The following TFCP2 variants were observed in gnomAD, a reference collection of about 807,000 sequenced individuals.
TFCP2 encodes transcription factor CP2.
Under a neutral mutation model 73.4 loss-of-function variants are expected in TFCP2, and 33 were observed. That is an observed-to-expected ratio of 0.45 (90% CI 0.34 to 0.60). The LOEUF (loss-of-function observed/expected upper bound fraction) is 0.60. Among genes scored for constraint, TFCP2 ranks in the 20% least tolerant of loss-of-function variants. TFCP2 has a pLI of 0.01. For synonymous variants in TFCP2, 193 were observed against 211.6 expected (o/e 0.91, Z 0.76); for missense variants, 352 against 604.0 (o/e 0.58, Z 4.37).
At chr12:51,103,876 AG>A in intron 9 of TFCP2, 113 bp from the exon 10 acceptor site, 1 of 887,580 alleles carries the variant, frequency 1.1e-6, no homozygotes, top group Non-Finnish European at 1.8e-6. Flanking sequence ...AGTTTGTGAA[AG>A]TTGTTTTCTC....
At chr12:51,107,585 A>G (rs1352439307) in intron 6 of TFCP2, among the ~76,000 whole-genome samples, 1 of 152,130 alleles carries the variant, frequency 6.6e-6, no homozygotes, top group Non-Finnish European at 1.5e-5. Context: ...TAGTTCACTG[A>G]AAAAAATCAA....
intron 7 of TFCP2, 45 bp from the exon 8 acceptor site, chr12:51,106,658 C>A: frequency 6.6e-7 from 1 of 1,505,120 alleles, no homozygotes; most frequent in Non-Finnish European, 9.2e-7. Context: ...CACATATGAC[C>A]CCAGGATTTG....
At chr12:51,150,125 T>C (rs1400254190) in intron 1 of TFCP2, among the ~76,000 whole-genome samples, 2 of 152,094 alleles carry the variant, frequency 1.3e-5, no homozygotes, top group Non-Finnish European at 2.9e-5. Context: ...TTTTAAAAAG[T>C]AGTGAAGTAT....
chr12:51,117,043 T>C (rs906309581), intron 3 of TFCP2, among the ~76,000 whole-genome samples: 1 of 152,226 alleles, frequency 6.6e-6, no homozygotes, highest in African/African-American at 2.4e-5. Context: ...TCTTCTGTTA[T>C]ACCACGGCCT....
intron 4 of TFCP2, among the ~76,000 whole-genome samples, chr12:51,113,495 G>C (rs1940448524): frequency 6.6e-6 from 1 of 152,134 alleles, no homozygotes; most frequent in Admixed American, 6.6e-5. Flanking sequence ...ATAGTGCCTG[G>C]TTCTCAGGCA....
chr12:51,170,981 A>G (rs1941849539), intron 1 of TFCP2, among the ~76,000 whole-genome samples: 1 of 152,060 alleles, frequency 6.6e-6, no homozygotes, highest in African/African-American at 2.4e-5. Flanking sequence ...CCCGGCCTGA[A>G]GTATTAAATT....
chr12:51,154,318 T>C lies in TFCP2; in HGVS notation c.122+17983A>G, dbSNP rs116551136. On this transcript the variant is annotated intron_variant, in intron 1 of 14. Transcript: ENST00000257915. ...GTTTTTTCCTATATATGTATATCCA[T>C]GGTAAAGTTAATTTATAAATTAGGC... 5.5e-3 allele frequency among the ~76,000 whole-genome samples: 833 copies of C among 152,316 alleles called. 7 individuals carry two copies. The highest frequency in any genetic ancestry group is 0.019 in the African/African-American group (772 of 41,566).
intron 1 of TFCP2, among the ~76,000 whole-genome samples, chr12:51,170,489 A>G (rs1026682015): frequency 2.0e-5 from 3 of 151,976 alleles, no homozygotes; most frequent in Non-Finnish European, 2.9e-5. Context: ...CTACAGGAAC[A>G]TGCCACCAGG....
At chr12:51,155,579 A>G (rs1941519444) in intron 1 of TFCP2, among the ~76,000 whole-genome samples, 1 of 152,108 alleles carries the variant, frequency 6.6e-6, no homozygotes, top group Admixed American at 6.6e-5. Flanking sequence ...CAGCCATCCT[A>G]ATGGGTGTGA....
chr12:51,100,746 C>T (rs1316580559), intron 11 of TFCP2, among the ~76,000 whole-genome samples: 3 of 152,010 alleles, frequency 2.0e-5, no homozygotes, highest in Non-Finnish European at 2.9e-5. Flanking sequence ...CCCAGGAAAT[C>T]GAGGCTGCAG....
intron 1 of TFCP2, among the ~76,000 whole-genome samples, chr12:51,162,508 T>C (rs997813757): frequency 6.6e-6 from 1 of 151,582 alleles, no homozygotes; most frequent in Non-Finnish European, 1.5e-5. Flanking sequence ...TACCATCAAA[T>C]GTATCAATGG....
At chr12:51,112,277 T>C (rs1399709882) in intron 4 of TFCP2, among the ~76,000 whole-genome samples, 1 of 152,236 alleles carries the variant, frequency 6.6e-6, no homozygotes, top group African/African-American at 2.4e-5. Flanking sequence ...AGCATATTCA[T>C]TGTCTCAAAC....
chr12:51,157,681 CTTTTCTTTT>C (rs1442555186), intron 1 of TFCP2, among the ~76,000 whole-genome samples: 9 of 77,286 alleles, frequency 1.2e-4, no homozygotes, highest in Non-Finnish European at 2.0e-4. Context: ...TTTTTCTTTT[CTTTTCTTTT>C]TTTTTTTTTT....
At position 51,101,433 on chromosome 12, in the gene TFCP2, G is replaced by A. The variant is rs376852889; in HGVS notation, c.1151+502C>T. 5.3e-5 allele frequency among the ~76,000 whole-genome samples: 8 copies of A among 152,136 alleles called. No homozygotes were observed. In the East Asian group the frequency reaches 7.7e-4, roughly 15 times the overall value. ...AACAGTCTCCCTTCCTGTGACTCCAGAGCTGCATCTTTCTCAGAACTCAGC... is the reference window on the plus strand; with the variant it reads ...AACAGTCTCCCTTCCTGTGACTCCAAAGCTGCATCTTTCTCAGAACTCAGC... On this transcript the variant is annotated intron_variant, in intron 11 of 14. Coordinates refer to ENST00000257915, the MANE Select transcript of TFCP2 (RefSeq NM_005653.5).
At chr12:51,110,771 A>G in intron 5 of TFCP2, 106 bp downstream of exon 5, 1 of 858,924 alleles carries the variant, frequency 1.2e-6, no homozygotes, top group Non-Finnish European at 1.9e-6. Context: ...CAGTCAGGCT[A>G]GAACCCTGTA....
At position 51,138,027 on chromosome 12, in the gene TFCP2, T is replaced by C. The variant is rs561958581; in HGVS notation, c.123-19255A>G. On this transcript the variant is annotated intron_variant, in intron 1 of 14. Transcript: ENST00000257915. The stretch of plus-strand genomic sequence containing the variant: ...CTTGCTCATCCTGTACTCCCTACCA[T>C]GCCTGGCTTCAAAGTAGGACAATCT... Among the ~76,000 whole-genome samples the C allele has an allele frequency of 8.5e-5, 13 of 152,322 alleles. No homozygotes were observed. The South Asian group carries it at 2.7e-3, about 32-fold the overall frequency.
chr12:51,144,328 C>T (rs1271902580), intron 1 of TFCP2, among the ~76,000 whole-genome samples: 8 of 152,054 alleles, frequency 5.3e-5, no homozygotes, highest in African/African-American at 1.9e-4. Flanking sequence ...GCCACTGCAC[C>T]CAGCCATTCT....
chr12:51,150,124 G>C (rs1372125822), intron 1 of TFCP2, among the ~76,000 whole-genome samples: 2 of 152,062 alleles, frequency 1.3e-5, no homozygotes, highest in African/African-American at 4.8e-5. Flanking sequence ...CTTTTAAAAA[G>C]TAGTGAAGTA....
chr12:51,162,539 C>T (rs182112243), intron 1 of TFCP2, among the ~76,000 whole-genome samples: 29 of 152,196 alleles, frequency 1.9e-4, no homozygotes, highest in Non-Finnish European at 4.4e-5. Flanking sequence ...CTAATTAATA[C>T]ATGCATTACC....
Sources: gnomAD v4.1 joint callset for allele counts (sites outside exome capture counted in the v4.1 genomes callset) on GRCh38, gnomAD v4.1.1 for gene constraint, MANE v1.5 for transcripts, NCBI Gene and HGNC (gene_info 2026-07-23, HGNC 2026-07-21) for gene names.